The following GRK5 variants were observed in gnomAD, a reference collection of about 807,000 sequenced individuals.
GRK5 encodes g protein-coupled receptor kinase GRK5.
Under a neutral mutation model 78.4 loss-of-function variants are expected in GRK5, and 40 were observed. The ratio of observed to expected loss-of-function variants is 0.51; its 90% CI spans 0.40 to 0.66. The LOEUF (loss-of-function observed/expected upper bound fraction) is 0.66. Ranked by LOEUF, GRK5 falls within the 30% of genes least tolerant of loss-of-function variation. GRK5 has a pLI of 0.00. For synonymous variants in GRK5, 289 were observed against 296.8 expected (o/e 0.97, Z 0.27); for missense variants, 598 against 759.9 (o/e 0.79, Z 2.50).
At chr10:119,367,439 C>A (rs1224468295) in intron 2 of GRK5, among the ~76,000 whole-genome samples, 6 of 152,176 alleles carry the variant, frequency 3.9e-5, no homozygotes, top group Non-Finnish European at 8.8e-5. Context: ...GAGTTGATGT[C>A]ATTTGACATT....
intron 15 of GRK5, 100 bp downstream of exon 15, chr10:119,453,376 C>A: frequency 1.4e-6 from 2 of 1,399,636 alleles, no homozygotes; most frequent in South Asian, 1.2e-5. Flanking sequence ...CCTTGGAAGG[C>A]TTGGAAGTCT....
At chr10:119,262,837 T>G (rs991156063) in intron 1 of GRK5, among the ~76,000 whole-genome samples, 1 of 152,200 alleles carries the variant, frequency 6.6e-6, no homozygotes, top group Non-Finnish European at 1.5e-5. Context: ...ACTGTAATTT[T>G]CTGAGCATTG....
At chr10:119,256,459 G>A (rs1299106239) in intron 1 of GRK5, among the ~76,000 whole-genome samples, 1 of 152,180 alleles carries the variant, frequency 6.6e-6, no homozygotes, top group Non-Finnish European at 1.5e-5. Context: ...TTCAGAGAAT[G>A]TAGGAAACTT....
intron 1 of GRK5, among the ~76,000 whole-genome samples, chr10:119,287,164 A>AGGAG (rs1849861763): frequency 7.5e-6 from 1 of 132,590 alleles, no homozygotes; most frequent in African/African-American, 2.8e-5. Flanking sequence ...GAAGGAGAGA[A>AGGAG]GAAGGGAGGG....
intron 1 of GRK5, among the ~76,000 whole-genome samples, chr10:119,294,784 T>G (rs1444793787): frequency 2.0e-5 from 3 of 152,220 alleles, no homozygotes. Flanking sequence ...CCATGCCTAT[T>G]TTTTACATAT....
intron 1 of GRK5, among the ~76,000 whole-genome samples, chr10:119,256,905 C>T (rs1849295391): frequency 4.6e-5 from 7 of 152,332 alleles, no homozygotes; most frequent in Admixed American, 1.3e-4. Context: ...GCCCCTACCA[C>T]GGTCCCTGGC....
chr10:119,272,887 GT>G (rs1026192287), intron 1 of GRK5, among the ~76,000 whole-genome samples: 1 of 152,162 alleles, frequency 6.6e-6, no homozygotes. Context: ...AGGCCAGCCC[GT>G]TGTGGAGGGG....
intron 1 of GRK5, among the ~76,000 whole-genome samples, chr10:119,233,739 GGAGCCA>G (rs982002554): frequency 1.4e-4 from 21 of 152,036 alleles, no homozygotes; most frequent in African/African-American, 4.1e-4. Context: ...TGGGTCAGGA[GGAGCCA>G]GCCCCCTGAG....
chr10:119,406,973 T>G (rs1247595912), intron 4 of GRK5, among the ~76,000 whole-genome samples: 2 of 152,208 alleles, frequency 1.3e-5, no homozygotes, highest in Non-Finnish European at 2.9e-5. Flanking sequence ...CACAGCCATA[T>G]AAAATAACAA....
intron 3 of GRK5, among the ~76,000 whole-genome samples, chr10:119,388,340 T>C (rs1851833647): frequency 6.6e-6 from 1 of 152,058 alleles, no homozygotes; most frequent in Non-Finnish European, 1.5e-5. Flanking sequence ...GGGTTTTTTG[T>C]TGTTGTTCTT....
At chr10:119,426,308 G>A (rs1374062240) in intron 6 of GRK5, among the ~76,000 whole-genome samples, 1 of 152,154 alleles carries the variant, frequency 6.6e-6, no homozygotes, top group African/African-American at 2.4e-5. Flanking sequence ...GGATGACAGC[G>A]TGACCAGAGA....
intron 9 of GRK5, among the ~76,000 whole-genome samples, chr10:119,438,707 C>T (rs7898800): frequency 2.0e-5 from 3 of 152,232 alleles, no homozygotes; most frequent in African/African-American, 4.8e-5. Flanking sequence ...CTTTGGGCTC[C>T]GTTCTGGCCA....
At chr10:119,305,594 T>C (rs1850261041) in intron 1 of GRK5, among the ~76,000 whole-genome samples, 1 of 151,960 alleles carries the variant, frequency 6.6e-6, no homozygotes, top group Admixed American at 6.6e-5. Flanking sequence ...GATTGATTGA[T>C]TGGGGATGAT....
intron 15 of GRK5, 24 bp from the exon 16 acceptor site, chr10:119,454,945 C>G (rs776431472): frequency 6.6e-7 from 1 of 1,521,202 alleles, no homozygotes; most frequent in African/African-American, 1.4e-5. Context: ...CTCTCCACCC[C>G]GTCTCCCCCA....
chr10:119,411,111 T>G (rs1852329469), intron 4 of GRK5, among the ~76,000 whole-genome samples: 1 of 151,790 alleles, frequency 6.6e-6, no homozygotes, highest in African/African-American at 2.4e-5. Context: ...TGGCCCCACC[T>G]CCACCTCTGC....
At chr10:119,380,344 A>G (rs1311929655) in intron 2 of GRK5, among the ~76,000 whole-genome samples, 2 of 152,158 alleles carry the variant, frequency 1.3e-5, no homozygotes, top group Non-Finnish European at 2.9e-5. Context: ...CAGTGTCAAG[A>G]ACACTGCTGC....
At chr10:119,273,584 G>T (rs1326377327) in intron 1 of GRK5, among the ~76,000 whole-genome samples, 3 of 152,210 alleles carry the variant, frequency 2.0e-5, no homozygotes, top group African/African-American at 4.8e-5. Flanking sequence ...CACAAGTGTG[G>T]ATGGGCCGCG....
At chr10:119,376,645 A>G (rs1589772337) in intron 2 of GRK5, among the ~76,000 whole-genome samples, 3 of 147,358 alleles carry the variant, frequency 2.0e-5, no homozygotes, top group East Asian at 4.1e-4. Context: ...GCTCACTGCA[A>G]CCTCCACCTC....
chr10:119,346,112 C>T (rs941385858), intron 2 of GRK5, among the ~76,000 whole-genome samples: 9 of 152,180 alleles, frequency 5.9e-5, no homozygotes, highest in Admixed American at 5.2e-4. Context: ...GTGCGTGTGC[C>T]TCCTCCACCT....
Sources: gnomAD v4.1 joint callset for allele counts (sites outside exome capture counted in the v4.1 genomes callset) on GRCh38, gnomAD v4.1.1 for gene constraint, MANE v1.5 for transcripts, NCBI Gene and HGNC (gene_info 2026-07-23, HGNC 2026-07-21) for gene names.